ARF1: variants seen among roughly 807,000 people sequenced by gnomAD.
ARF1 encodes ARF GTPase 1, also known as ADP-ribosylation factor 1.
In ARF1, 1 loss-of-function variant was observed where a neutral mutation model predicts 18.0. That is an observed-to-expected ratio of 0.06 (90% CI 0.02 to 0.26). The LOEUF is 0.26. Ranked by LOEUF, ARF1 falls within the 10% of genes least tolerant of loss-of-function variation. ARF1 has a pLI of 1.00. For missense variants in ARF1, 73 were observed against 247.2 expected (o/e 0.30, Z 4.73); for synonymous variants, 112 against 96.3 (o/e 1.16, Z -0.95).
chr1:228,096,620 A>C (rs2032756483), intron 1 of ARF1: 1 of 155,108 alleles, frequency 6.4e-6, no homozygotes, highest in Non-Finnish European at 1.4e-5. Context: ...CTGTGTCCTC[A>C]TGGGAGTGTG....
chr1:228,090,164 T>C (rs887099776), intron 1 of ARF1, among the ~76,000 whole-genome samples: 9 of 152,232 alleles, frequency 5.9e-5, no homozygotes, highest in African/African-American at 1.9e-4. Context: ...ATTCGCTGTT[T>C]AGCATGCATG....
intron 1 of ARF1, among the ~76,000 whole-genome samples, chr1:228,094,943 C>T (rs1051886234): frequency 3.9e-5 from 6 of 152,110 alleles, no homozygotes; most frequent in Non-Finnish European, 8.8e-5. Flanking sequence ...CCTTTGAGGC[C>T]GAAGCCCAGA....
chr1:228,092,833 A>G (rs1266520945), intron 1 of ARF1, among the ~76,000 whole-genome samples: 2 of 152,184 alleles, frequency 1.3e-5, no homozygotes, highest in African/African-American at 4.8e-5. Context: ...ATTCATGGAC[A>G]CAAAACGGAT....
chr1:228,094,409 T>C (rs1231750735), intron 1 of ARF1, among the ~76,000 whole-genome samples: 1 of 152,134 alleles, frequency 6.6e-6, no homozygotes, highest in African/African-American at 2.4e-5. Context: ...CTCCACCATA[T>C]GTTTTCCTGG....
chr1:228,093,927 G>T lies in ARF1; in HGVS notation c.-37-3151G>T, dbSNP rs2032650794. The stretch of plus-strand genomic sequence containing the variant: ...GCTGAGATCAAGCCACTGCACTCCA[G>T]CCTGGATGACAGAGTGAGACTCTGT... On this transcript the variant is annotated intron_variant, in intron 1 of 4. Coordinates refer to ENST00000272102, the MANE Select transcript of ARF1 (RefSeq NM_001658.4). Among the ~76,000 whole-genome samples, 6 of 139,026 alleles carry T rather than the reference G, an allele frequency of 4.3e-5. No individual in the cohort carries two copies. The South Asian group carries it at 1.4e-3, about 32-fold the overall frequency. 91.2% of individuals were successfully genotyped at this position (139,026 alleles called of 152,430 possible). A position where few individuals can be genotyped will look rare whatever the true frequency, so the allele number is the denominator to read the frequency against.
rs1422144891 is a variant in ARF1 at position 228,084,562 on chromosome 1, G to A, written c.-38+1797G>A. Among the ~76,000 whole-genome samples, 3 of 152,186 alleles carry A rather than the reference G, an allele frequency of 2.0e-5. No homozygotes were observed. In the East Asian group the frequency reaches 5.8e-4, roughly 29 times the overall value. On this transcript the variant is annotated intron_variant, in intron 1 of 4. Transcript: ENST00000272102. ...CTGGTTCTGTGCCCCTCACAGTTCT[G>A]GTTTTGTACATCATGTGGTCTAGCT...
chr1:228,092,162 C>G (rs1288425919), intron 1 of ARF1, among the ~76,000 whole-genome samples: 2 of 152,132 alleles, frequency 1.3e-5, no homozygotes, highest in African/African-American at 2.4e-5. Context: ...TGAAAAAGAA[C>G]TCTGGGTGGG....
rs745638410 is a variant in ARF1 at position 228,097,806 on chromosome 1, C to T, written c.385-46C>T. Reference sequence around the variant, plus strand: ...TACTGGAGGCTGGTGGGGCCCCTTTCTCTGTCCTGTGGACAGCCCTTCCCA... The same window carrying T: ...TACTGGAGGCTGGTGGGGCCCCTTTTTCTGTCCTGTGGACAGCCCTTCCCA... On this transcript the variant is annotated intron_variant, in intron 4 of 4. Coordinates refer to ENST00000272102, the MANE Select transcript of ARF1 (RefSeq NM_001658.4). The surrounding 1 kb of genome is among the most constrained non-coding windows in gnomAD (Gnocchi z 8.1). 163 of 1,594,950 alleles carry T rather than the reference C, an allele frequency of 1.0e-4. No homozygotes were observed. Among genetic ancestry groups the T allele is most frequent in the Non-Finnish European group, 1.4e-4 (159 of 1,169,152 alleles).
chr1:228,095,838 T>A (rs929032973), intron 1 of ARF1, among the ~76,000 whole-genome samples: 1 of 152,182 alleles, frequency 6.6e-6, no homozygotes, highest in Non-Finnish European at 1.5e-5. Context: ...TGGGTGGTGG[T>A]CTTCCTCTGG....
chr1:228,086,474 C>T (rs998921984), intron 1 of ARF1, among the ~76,000 whole-genome samples: 1 of 151,690 alleles, frequency 6.6e-6, no homozygotes, highest in Non-Finnish European at 1.5e-5. Context: ...AGAGATCGCG[C>T]CACTGCACTC....
chr1:228,090,578 G>C (rs752322286), intron 1 of ARF1: 1 of 152,262 alleles, frequency 6.6e-6, no homozygotes, highest in African/African-American at 2.4e-5. Flanking sequence ...TTTTGGTCTT[G>C]GTTTTCCCAG....
chr1:228,097,530 G>T lies in ARF1; in HGVS notation c.260-61G>T. On this transcript the variant is annotated intron_variant, in intron 3 of 4. Transcript: ENST00000272102. The surrounding 1 kb of genome is among the most constrained non-coding windows in gnomAD (Gnocchi z 8.1). Reference sequence around the variant, plus strand: ...GCCAGCCCATAGATGGGGCATCGATGCCCATAGATGCGGCAGGGGGGCTGT... The same window carrying T: ...GCCAGCCCATAGATGGGGCATCGATTCCCATAGATGCGGCAGGGGGGCTGT... 1.9e-6 allele frequency: 3 copies of T among 1,614,006 alleles called. No homozygotes were observed. The highest frequency in any genetic ancestry group is 2.5e-6 in the Non-Finnish European group (3 of 1,179,976).
Position 228,098,155 on chromosome 1 carries a change from C to A in ARF1, c.*142C>A. The A allele has an allele frequency of 9.9e-7, 1 of 1,006,874 alleles. No individual in the cohort carries two copies. The highest frequency in any genetic ancestry group is 1.4e-6 in the Non-Finnish European group (1 of 720,818). 62.4% of individuals were successfully genotyped at this position (1,006,874 alleles called of 1,614,324 possible). A position where few individuals can be genotyped will look rare whatever the true frequency, so the allele number is the denominator to read the frequency against. ...CGCACCGTGCTGTAAATGTGGCAGACGCAGCCTGCGGCCAGGCTTTTTATT... is the reference window on the plus strand; with the variant it reads ...CGCACCGTGCTGTAAATGTGGCAGAAGCAGCCTGCGGCCAGGCTTTTTATT... On this transcript the variant is annotated 3_prime_UTR_variant, in exon 5 of 5. Transcript: ENST00000272102.
rs1049309 is a variant in ARF1 at position 228,098,547 on chromosome 1, G to A, written c.*534G>A. On this transcript the variant is annotated 3_prime_UTR_variant, in exon 5 of 5. Coordinates refer to ENST00000272102, the MANE Select transcript of ARF1 (RefSeq NM_001658.4). ...GCCCAGCTGTTCCCCTCGGGAACAT[G>A]AGGTGGTGGTGGCGCAGCAGACTGC... 2.6e-5 allele frequency: 4 copies of A among 152,922 alleles called. No homozygotes were observed. Among genetic ancestry groups the A allele is most frequent in the African/African-American group, 9.7e-5 (4 of 41,448 alleles). 9.5% of individuals were successfully genotyped at this position (152,922 alleles called of 1,614,324 possible). A position where few individuals can be genotyped will look rare whatever the true frequency, so the allele number is the denominator to read the frequency against.
Position 228,097,581 on chromosome 1 carries a change from T to C in ARF1, c.260-10T>C. 1 of 1,614,002 alleles carries C rather than the reference T, an allele frequency of 6.2e-7. No homozygotes were observed. The highest frequency in any genetic ancestry group is 8.5e-7 in the Non-Finnish European group (1 of 1,179,980). ...GTTCCCATGACCATTTGACACTGGC[T>C]GCCCGGCAGGCCTGATCTTCGTGGT... On this transcript the variant is annotated splice_polypyrimidine_tract_variant and intron_variant, in intron 3 of 4. Transcript: ENST00000272102. The surrounding 1 kb of genome is among the most constrained non-coding windows in gnomAD (Gnocchi z 8.1).
intron 1 of ARF1, among the ~76,000 whole-genome samples, chr1:228,094,748 T>C (rs1031011914): frequency 5.9e-5 from 9 of 152,192 alleles, no homozygotes; most frequent in Non-Finnish European, 8.8e-5. Flanking sequence ...TTGGGAGTTA[T>C]TTTCATTCTC....
At chr1:228,083,749 A>T (rs2032299058) in intron 1 of ARF1, among the ~76,000 whole-genome samples, 1 of 152,158 alleles carries the variant, frequency 6.6e-6, no homozygotes, top group South Asian at 2.1e-4. Flanking sequence ...GGCGTGTGAG[A>T]TTGGGGCTGG....
intron 1 of ARF1, among the ~76,000 whole-genome samples, chr1:228,092,672 A>C (rs2032612245): frequency 6.6e-6 from 1 of 152,134 alleles, no homozygotes. Flanking sequence ...GAGATGATCA[A>C]CCTTCCGCCT....
Position 228,094,770 on chromosome 1 carries a change from G to A in ARF1, c.-37-2308G>A, listed in dbSNP as rs573066110. ...TTATTTTCATTCTCCCCTAACACTT[G>A]TTGGATACTTTGGCTGGGTATAGAA... is the stretch of plus-strand genomic sequence containing the variant. On this transcript the variant is annotated intron_variant, in intron 1 of 4. Coordinates refer to ENST00000272102, the MANE Select transcript of ARF1 (RefSeq NM_001658.4). 6.0e-4 allele frequency among the ~76,000 whole-genome samples: 92 copies of A among 152,318 alleles called. 1 individual carries two copies. In the South Asian group the frequency reaches 0.013, roughly 22 times the overall value.
Sources: allele counts gnomAD v4.1 joint callset (sites outside exome capture counted in the v4.1 genomes callset), GRCh38; gene constraint gnomAD v4.1.1; non-coding constraint Gnocchi (gnomAD v3.1); transcripts MANE v1.5; gene names NCBI Gene and HGNC (gene_info 2026-07-23, HGNC 2026-07-21).